Variants in TNFRSF10D observed in about 807,000 individuals in gnomAD.
The protein encoded by TNFRSF10D is tumor necrosis factor receptor superfamily member 10D.
Under a neutral mutation model 42.1 loss-of-function variants are expected in TNFRSF10D, and 28 were observed. That is an observed-to-expected ratio of 0.66 (90% CI 0.49 to 0.91). The LOEUF (loss-of-function observed/expected upper bound fraction) is 0.91. Among genes scored for constraint, TNFRSF10D ranks in the 40% least tolerant of loss-of-function variants. TNFRSF10D has a pLI of 0.00. For missense variants in TNFRSF10D, 503 were observed against 486.1 expected, an observed-to-expected ratio of 1.03 and a Z score of -0.33; for synonymous variants, 186 against 189.4, an observed-to-expected ratio of 0.98 and a Z score of 0.15.
At chr8:23,156,461 G>A (rs138183527) in intron 1 of TNFRSF10D, among the ~76,000 whole-genome samples, 1 of 151,978 alleles carries the variant, frequency 6.6e-6, no homozygotes, top group Admixed American at 6.6e-5. Context: ...CTCCCTTCTA[G>A]AGCTGGGGTC....
At chr8:23,163,260 G>A (rs1343270898) in intron 1 of TNFRSF10D, among the ~76,000 whole-genome samples, 7 of 152,008 alleles carry the variant, frequency 4.6e-5, no homozygotes, top group Non-Finnish European at 8.8e-5. Flanking sequence ...CCGCCATCAC[G>A]TCCGGCTAAT....
chr8:23,158,488 T>C (rs557308139), intron 1 of TNFRSF10D, among the ~76,000 whole-genome samples: 3 of 152,208 alleles, frequency 2.0e-5, no homozygotes, highest in Non-Finnish European at 1.5e-5. Context: ...AAGATATAGC[T>C]GAGTCTTGTT....
Position 23,144,576 on chromosome 8 carries a change from G to A in TNFRSF10D, c.828C>T (p.Arg276=), listed in dbSNP as rs1361157008. ...AGTATCTGTTACTCAGGGTCTCGTT[G>A]CGGGCATTGTCCTCCGCCCCAGGAA... is the stretch of plus-strand genomic sequence containing the variant. ...SRVPGAEDNA[R]NETLSNRYLQ... The change falls in exon 7 of 9, where the codon CGC becomes CGT. Residue 276 remains arginine, a synonymous_variant. Coordinates refer to ENST00000312584, the MANE Select transcript of TNFRSF10D (RefSeq NM_003840.5). 7 of 1,614,066 alleles carry A rather than the reference G, an allele frequency of 4.3e-6. No homozygotes were observed. The highest frequency in any genetic ancestry group is 5.1e-6 in the Non-Finnish European group (6 of 1,180,034).
At position 23,136,025 on chromosome 8, in the gene TNFRSF10D, A is replaced by G. The variant is rs1404690141; in HGVS notation, c.*1845T>C. ...AAAGGCCATCCCCTCCTAAAACTCCATGGACACAACAATCTGAATGTGCGA... is the reference window on the plus strand; with the variant it reads ...AAAGGCCATCCCCTCCTAAAACTCCGTGGACACAACAATCTGAATGTGCGA... On this transcript the variant is annotated 3_prime_UTR_variant, in exon 9 of 9. Transcript: ENST00000312584. The G allele has an allele frequency of 4.8e-6, 2 of 418,456 alleles. No individual in the cohort carries two copies. The highest frequency in any genetic ancestry group is 9.5e-6 in the Non-Finnish European group (2 of 210,378). 25.9% of individuals were successfully genotyped at this position (418,456 alleles called of 1,614,324 possible).
At chr8:23,139,875 G>A (rs147220956) in intron 7 of TNFRSF10D, among the ~76,000 whole-genome samples, 154 of 152,292 alleles carry the variant, frequency 1.0e-3, no homozygotes, top group African/African-American at 3.5e-3. Flanking sequence ...ACCGGGCACC[G>A]TGGCTCACAC....
Position 23,163,831 on chromosome 8 carries a change from G to C in TNFRSF10D, c.105C>G (p.Pro35=). 1.2e-6 allele frequency: 2 copies of C among 1,608,898 alleles called. No individual in the cohort carries two copies. The highest frequency in any genetic ancestry group is 1.7e-6 in the Non-Finnish European group (2 of 1,178,388). The change falls in exon 1 of 9, where the codon CCC becomes CCG. Residue 35 remains proline (P), a synonymous_variant. Transcript: ENST00000312584. The stretch of plus-strand genomic sequence containing the variant: ...TGAAGACGACGAACTTAAGGATCTT[G>C]GGGTCCAGGAGCCATGGTCTGGTTC... ...ASGTRPWLLD[P]KILKFVVFIV...
chr8:23,145,776 A>T lies in TNFRSF10D; in HGVS notation c.628T>A (p.Tyr210Asn), dbSNP rs775736173. ...TTILGMLASP[Y>N]HYLIIIVVLV... ...ACCACTATGATGATAAGGTAGTGAT[A>T]GGGAGAGGCAAGCATCCCCAGGATG... Residue 210 changes from tyrosine (Y) to asparagine (N), a missense_variant, in exon 5 of 9, where the codon TAT becomes AAT. By Grantham distance (143) the Tyr-to-Asn change is moderately radical. Transcript: ENST00000312584. The T allele has an allele frequency of 6.2e-7, 1 of 1,614,184 alleles. No homozygotes were observed. The highest frequency in any genetic ancestry group is 1.1e-5 in the South Asian group (1 of 91,088).
chr8:23,143,236 A>G (rs1357173891), intron 7 of TNFRSF10D, among the ~76,000 whole-genome samples: 2 of 149,310 alleles, frequency 1.3e-5, no homozygotes, highest in Non-Finnish European at 3.0e-5. Flanking sequence ...TCGGCCTCCC[A>G]AAGTGCTGGG....
intron 2 of TNFRSF10D, among the ~76,000 whole-genome samples, chr8:23,153,581 A>C (rs937088697): frequency 5.6e-3 from 845 of 152,066 alleles, no homozygotes; most frequent in African/African-American, 0.017. Flanking sequence ...AGACACTTCT[A>C]AAAAGAAGAC....
intron 1 of TNFRSF10D, among the ~76,000 whole-genome samples, chr8:23,157,674 ATGTGTTCTGCAGC>A (rs963821738): frequency 1.3e-5 from 2 of 152,156 alleles, no homozygotes; most frequent in African/African-American, 4.8e-5. Flanking sequence ...TTTTTGCATC[ATGTGTTCTGCAGC>A]TGTATTACTA....
chr8:23,154,937 G>C lies in TNFRSF10D; in HGVS notation c.193C>G (p.Pro65Ala), dbSNP rs1267634703. 1 of 1,613,744 alleles carries C rather than the reference G, an allele frequency of 6.2e-7. No individual in the cohort carries two copies. Among genetic ancestry groups the C allele is most frequent in the Non-Finnish European group, 8.5e-7 (1 of 1,179,818 alleles). Residue 65 changes from proline to alanine, a missense_variant, in exon 2 of 9, where the codon CCC becomes GCC. Transcript: ENST00000312584. ...SATIPRQDEV[P>A]QQTVAPQQQR... The stretch of plus-strand genomic sequence containing the variant: ...TGCTGTGGGGCCACTGTCTGCTGGG[G>C]AACTTCGTCCTGCCGGGGGATGGTG...
intron 1 of TNFRSF10D, among the ~76,000 whole-genome samples, chr8:23,162,891 C>T (rs891666678): frequency 6.6e-6 from 1 of 151,250 alleles, no homozygotes; most frequent in Non-Finnish European, 1.5e-5. Context: ...ACACGTGTAA[C>T]AGTGTAAACA....
Position 23,148,492 on chromosome 8 carries a change from T to C in TNFRSF10D, c.316A>G (p.Thr106Ala), listed in dbSNP as rs775638496. The part of the protein sequence containing the change: ...CNPCTEGVDY[T>A]IASNNLPSCL... ...GAAGGCAAATTGTTGGAAGCAATGG[T>C]GTAATCCACACCCTCTGTGCACGGG... Residue 106 changes from threonine to alanine, a missense_variant, in exon 3 of 9, where the codon ACC (threonine) becomes GCC (alanine). By Grantham distance (58) the Thr-to-Ala change is moderately conservative. Transcript: ENST00000312584. The C allele has an allele frequency of 6.8e-6, 11 of 1,611,210 alleles. No homozygotes were observed. In the Admixed American group the frequency reaches 1.3e-4, roughly 20 times the overall value.
chr8:23,139,542 G>A (rs1227858259), intron 7 of TNFRSF10D, among the ~76,000 whole-genome samples: 4 of 152,008 alleles, frequency 2.6e-5, no homozygotes, highest in South Asian at 2.1e-4. Flanking sequence ...AAAATGGTAA[G>A]AGCCATCTAT....
At chr8:23,142,329 G>A (rs1800039850) in intron 7 of TNFRSF10D, among the ~76,000 whole-genome samples, 1 of 151,752 alleles carries the variant, frequency 6.6e-6, no homozygotes, top group Non-Finnish European at 1.5e-5. Flanking sequence ...CATAATAGCA[G>A]TGACATGGAA....
chr8:23,149,153 G>C (rs1333954431), intron 2 of TNFRSF10D, among the ~76,000 whole-genome samples: 1 of 117,406 alleles, frequency 8.5e-6, no homozygotes, highest in African/African-American at 3.4e-5. Flanking sequence ...CTGTGCCACT[G>C]AACTCCAGCC....
intron 7 of TNFRSF10D, among the ~76,000 whole-genome samples, chr8:23,140,018 G>GCA (rs1563354082): frequency 3.3e-5 from 5 of 152,020 alleles, no homozygotes; most frequent in African/African-American, 4.8e-5. Flanking sequence ...AGCTGGGTAC[G>GCA]GTGGCTCACG....
In TNFRSF10D at chr8:23,136,101, C is replaced by G; in HGVS notation, c.*1769G>C. ...CAGCCAAACCAGTCCCGGAACAAAA[C>G]ACACAATGCCTTGAGATGGAAAAGA... is the stretch of plus-strand genomic sequence containing the variant. On this transcript the variant is annotated 3_prime_UTR_variant, in exon 9 of 9. Transcript: ENST00000312584. 2.9e-6 allele frequency: 1 copy of G among 342,070 alleles called. No homozygotes were observed. Among genetic ancestry groups the G allele is most frequent in the South Asian group, 2.4e-5 (1 of 40,986 alleles). The allele number at this position is 342,070 out of a possible 1,614,324, so 21.2% of individuals were successfully genotyped here.
chr8:23,136,071 T>C lies in TNFRSF10D; in HGVS notation c.*1799A>G. ...TGCGAACTTCAGGCAGTTCTAACTT[T>C]GTCCCAGCCAAACCAGTCCCGGAAC... On this transcript the variant is annotated 3_prime_UTR_variant, in exon 9 of 9. Transcript: ENST00000312584. 1 of 381,626 alleles carries C rather than the reference T, an allele frequency of 2.6e-6. No individual in the cohort carries two copies. Among genetic ancestry groups the C allele is most frequent in the Non-Finnish European group, 5.2e-6 (1 of 191,406 alleles). The allele number at this position is 381,626 out of a possible 1,614,324, so 23.6% of individuals were successfully genotyped here. A position where few individuals can be genotyped will look rare whatever the true frequency, so the allele number is the denominator to read the frequency against.
Sources: gnomAD v4.1 joint callset for allele counts (sites outside exome capture counted in the v4.1 genomes callset) on GRCh38, gnomAD v4.1.1 for gene constraint, MANE v1.5 for transcripts, NCBI Gene and HGNC (gene_info 2026-07-23, HGNC 2026-07-21) for gene names.